CNTN4: variants seen among roughly 807,000 people sequenced by gnomAD.
CNTN4 encodes contactin 4, also known as contactin-4.
Under a neutral mutation model 122.5 loss-of-function variants are expected in CNTN4, and 77 were observed. The observed-to-expected ratio is 0.63, with a 90% confidence interval of 0.52 to 0.76. The LOEUF (loss-of-function observed/expected upper bound fraction) is 0.76. Among genes scored for constraint, CNTN4 ranks in the 30% least tolerant of loss-of-function variants. The pLI is 0.00. For missense variants in CNTN4, 1,256 were observed against 1,259.1 expected (o/e 1.00, Z 0.04); for synonymous variants, 512 against 447.0 (o/e 1.15, Z -1.83).
intron 14 of CNTN4, among the ~76,000 whole-genome samples, chr3:3,000,099 G>A (rs1487962896): frequency 6.6e-6 from 1 of 152,114 alleles, no homozygotes; most frequent in Non-Finnish European, 1.5e-5. Context: ...AACTCAGGAT[G>A]AGAGAGCCAA....
chr3:2,982,164 T>C (rs555942892), intron 13 of CNTN4, among the ~76,000 whole-genome samples: 1 of 152,320 alleles, frequency 6.6e-6, no homozygotes, highest in South Asian at 2.1e-4. Context: ...TGTCAGGTGC[T>C]TTTTTCTTCA....
chr3:2,326,519 C>CACACACACAT lies in CNTN4; in HGVS notation c.-144-12650_-144-12649insTACACACACA, dbSNP rs537814755. On this transcript the variant is annotated intron_variant, in intron 2 of 24. Coordinates refer to ENST00000418658, the MANE Select transcript of CNTN4 (RefSeq NM_175607.3). ...ACACACACACACACACACACACACA[C>CACACACACAT]ACACACACAATCTTACTGATTCTGT... Among the ~76,000 whole-genome samples, 358 of 140,116 alleles carry CACACACACAT rather than the reference C, an allele frequency of 2.6e-3. 4 individuals are homozygous for CACACACACAT. The highest frequency in any genetic ancestry group is 4.6e-3 in the Non-Finnish European group (291 of 62,894). 91.9% of individuals were successfully genotyped at this position (140,116 alleles called of 152,430 possible).
intron 8 of CNTN4, among the ~76,000 whole-genome samples, chr3:2,878,520 A>T (rs1375049736): frequency 1.3e-5 from 2 of 150,586 alleles, no homozygotes; most frequent in African/African-American, 4.9e-5. Flanking sequence ...TCTATCCCTA[A>T]AGCAGGTAAG....
chr3:2,969,535 A>G (rs1181831962), intron 13 of CNTN4, among the ~76,000 whole-genome samples: 2 of 152,070 alleles, frequency 1.3e-5, no homozygotes, highest in Non-Finnish European at 2.9e-5. Flanking sequence ...TATTATTATT[A>G]TTATTCCTAG....
intron 14 of CNTN4, among the ~76,000 whole-genome samples, chr3:2,990,331 A>T (rs1694943892): frequency 6.6e-6 from 1 of 152,222 alleles, no homozygotes; most frequent in Non-Finnish European, 1.5e-5. Flanking sequence ...ATGAACATTT[A>T]TGATATTTCC....
intron 2 of CNTN4, among the ~76,000 whole-genome samples, chr3:2,130,248 G>T (rs1455516529): frequency 6.6e-6 from 1 of 152,174 alleles, no homozygotes; most frequent in Admixed American, 6.6e-5. Context: ...CCTAAAGAAA[G>T]ATGCCACAGT....
intron 4 of CNTN4, among the ~76,000 whole-genome samples, chr3:2,648,176 A>G (rs1300643985): frequency 6.6e-6 from 1 of 152,174 alleles, no homozygotes; most frequent in Non-Finnish European, 1.5e-5. Flanking sequence ...TTGGAATGCC[A>G]GTATCCTTTG....
rs2094191625 is a variant in CNTN4, at chr3:2,903,020, T to C, written c.1207+15T>C. The C allele has an allele frequency of 1.9e-6, 3 of 1,612,300 alleles. No homozygotes were observed. Among genetic ancestry groups the C allele is most frequent in the South Asian group, 1.1e-5 (1 of 90,910 alleles). On this transcript the variant is annotated intron_variant, in intron 12 of 24. Coordinates refer to ENST00000418658, the MANE Select transcript of CNTN4 (RefSeq NM_175607.3). ...TAGTGTTATAGGTGAGTCTTTATAC[T>C]GGCAAGAAAAAAAAATTAAAACTCT...
Position 2,540,759 on chromosome 3 carries a change from T to A in CNTN4, c.-88-30657T>A, listed in dbSNP as rs571292457. On this transcript the variant is annotated intron_variant, in intron 3 of 24. Coordinates refer to ENST00000418658, the MANE Select transcript of CNTN4 (RefSeq NM_175607.3). Reference sequence around the variant, plus strand: ...TTTTTTAACAATGCTTTATGTATTTTATTTGTCTTGATCCAAGGTTTATAA... The same window carrying A: ...TTTTTTAACAATGCTTTATGTATTTAATTTGTCTTGATCCAAGGTTTATAA... 5.9e-5 allele frequency among the ~76,000 whole-genome samples: 9 copies of A among 152,262 alleles called. No homozygotes were observed. In the East Asian group the frequency reaches 1.7e-3, roughly 29 times the overall value.
chr3:2,143,464 T>G lies in CNTN4; in HGVS notation c.-145+42825T>G, dbSNP rs561590757. On this transcript the variant is annotated intron_variant, in intron 2 of 24. Coordinates refer to ENST00000418658, the MANE Select transcript of CNTN4 (RefSeq NM_175607.3). ...CTTAGATAATTAATAATTAATCACA[T>G]TATTATTCTCCTGAGAAGGAGGTGA... Among the ~76,000 whole-genome samples the G allele has an allele frequency of 3.9e-5, 6 of 152,292 alleles. No individual in the cohort carries two copies. The South Asian group carries it at 1.0e-3, about 26-fold the overall frequency.
intron 2 of CNTN4, among the ~76,000 whole-genome samples, chr3:2,236,148 C>A (rs1231353384): frequency 6.6e-6 from 1 of 152,122 alleles, no homozygotes; most frequent in African/African-American, 2.4e-5. Flanking sequence ...TAATCATAAT[C>A]ATTATGAAGT....
rs188203386 is a variant in CNTN4 at position 2,894,940 on chromosome 3, G to T, written c.941-5745G>T. On this transcript the variant is annotated intron_variant, in intron 10 of 24. Transcript: ENST00000418658. ...GCTGTGAATTCAATGGGCATAGTTG[G>T]ACAGAAAGTAAGAGATGTAGGTAAA... 9.9e-5 allele frequency among the ~76,000 whole-genome samples: 15 copies of T among 152,264 alleles called. No individual in the cohort carries two copies. In the East Asian group the frequency reaches 2.1e-3, roughly 22 times the overall value.
intron 2 of CNTN4, among the ~76,000 whole-genome samples, chr3:2,294,303 T>TTTTTTTTTTTTTTTTTTTTTG: frequency 6.6e-6 from 1 of 151,712 alleles, no homozygotes; most frequent in Non-Finnish European, 1.5e-5. Flanking sequence ...TTTTTTTTTT[T>TTTTTTTTTTTTTTTTTTTTTG]ACTGAATACC....
intron 4 of CNTN4, among the ~76,000 whole-genome samples, chr3:2,687,850 A>C (rs910463266): frequency 3.0e-4 from 45 of 152,116 alleles, no homozygotes; most frequent in African/African-American, 1.1e-3. Context: ...TCATTTTACA[A>C]ATGGAGAGAA....
intron 13 of CNTN4, among the ~76,000 whole-genome samples, chr3:2,950,076 C>G (rs1422386309): frequency 6.6e-6 from 1 of 152,228 alleles, no homozygotes; most frequent in African/African-American, 2.4e-5. Flanking sequence ...GCTTACCCAC[C>G]TGATTAAGTA....
chr3:3,006,816 T>G (rs541604827), intron 14 of CNTN4, among the ~76,000 whole-genome samples: 1 of 152,314 alleles, frequency 6.6e-6, no homozygotes, highest in African/African-American at 2.4e-5. Context: ...CTCCTTAAAA[T>G]GGGAGGTCCA....
At position 2,574,454 on chromosome 3, in the gene CNTN4, G is replaced by T. The variant is rs373217954; in HGVS notation, c.55+2896G>T. Among the ~76,000 whole-genome samples the T allele has an allele frequency of 3.9e-5, 6 of 152,076 alleles. No homozygotes were observed. The East Asian group carries it at 7.7e-4, about 20-fold the overall frequency. ...TATACAAGCAGGCTCATCCTGCAAG[G>T]GATGCAACTGATAAGATCTGTTAAT... is the stretch of plus-strand genomic sequence containing the variant. On this transcript the variant is annotated intron_variant, in intron 4 of 24. Transcript: ENST00000418658.
chr3:2,491,245 A>ATTTATGATTATC (rs1284125339), intron 3 of CNTN4, among the ~76,000 whole-genome samples: 2 of 152,184 alleles, frequency 1.3e-5, no homozygotes, highest in Non-Finnish European at 2.9e-5. Flanking sequence ...AAATGTATGA[A>ATTTATGATTATC]TTTATGATTA....
At chr3:2,591,557 G>C (rs1165809421) in intron 4 of CNTN4, among the ~76,000 whole-genome samples, 1 of 99,446 alleles carries the variant, frequency 1.0e-5, no homozygotes, top group Non-Finnish European at 2.2e-5. Context: ...GTAGAGACGG[G>C]GTTTCACCGT....
Sources: gnomAD v4.1 joint callset for allele counts (sites outside exome capture counted in the v4.1 genomes callset) on GRCh38, gnomAD v4.1.1 for gene constraint, MANE v1.5 for transcripts, NCBI Gene and HGNC (gene_info 2026-07-23, HGNC 2026-07-21) for gene names.